TAPT1: variants seen among roughly 807,000 people sequenced by gnomAD.
TAPT1 encodes the protein transmembrane anterior posterior transformation 1.
A neutral mutation model predicts 65.6 loss-of-function variants in TAPT1; 28 were observed. The observed-to-expected ratio is 0.43, with a 90% confidence interval of 0.32 to 0.59. The LOEUF (loss-of-function observed/expected upper bound fraction) is 0.59, where lower values mean the gene tolerates loss of function less well. TAPT1 is among the 20% of genes least tolerant of loss of function. The pLI, the probability that TAPT1 is intolerant of heterozygous loss-of-function variation, is 0.09. For missense variants in TAPT1, 563 were observed against 679.9 expected, an observed-to-expected ratio of 0.83 and a Z score of 1.91; for synonymous variants, 278 against 245.2, an observed-to-expected ratio of 1.13 and a Z score of -1.25.
At chr4:16,167,119 A>G (rs1747693193) in intron 12 of TAPT1, among the ~76,000 whole-genome samples, 1 of 148,022 alleles carries the variant, frequency 6.8e-6, no homozygotes, top group Non-Finnish European at 1.5e-5. Flanking sequence ...TCAGCCTCCC[A>G]AGTAGCTGGG....
At chr4:16,182,056 T>C (rs1390735855) in intron 7 of TAPT1, among the ~76,000 whole-genome samples, 1 of 152,172 alleles carries the variant, frequency 6.6e-6, no homozygotes, top group Non-Finnish European at 1.5e-5. Context: ...CAAAACTATA[T>C]CTAACTATAA....
chr4:16,207,704 T>C (rs1490197914), intron 2 of TAPT1, among the ~76,000 whole-genome samples: 1 of 152,168 alleles, frequency 6.6e-6, no homozygotes, highest in African/African-American at 2.4e-5. Context: ...TTACAAATAA[T>C]TCCCCTGTAT....
In TAPT1 at chr4:16,195,911, T is replaced by C. The variant is rs191344379; in HGVS notation, c.450-4388A>G. 3.2e-3 allele frequency among the ~76,000 whole-genome samples: 492 copies of C among 152,366 alleles called. 3 individuals are homozygous for C. Among genetic ancestry groups the C allele is most frequent in the Non-Finnish European group, 3.5e-3 (238 of 68,022 alleles). On this transcript the variant is annotated intron_variant, in intron 3 of 13. Transcript: ENST00000405303. ...TGAGCGAGAAAAATGGGAGAATCCCTGCATAGTTATTTCAAATCAGTGTTG... is the reference window on the plus strand; with the variant it reads ...TGAGCGAGAAAAATGGGAGAATCCCCGCATAGTTATTTCAAATCAGTGTTG...
At chr4:16,198,485 G>A (rs1171821839) in intron 3 of TAPT1, among the ~76,000 whole-genome samples, 1 of 151,490 alleles carries the variant, frequency 6.6e-6, no homozygotes, top group African/African-American at 2.4e-5. Context: ...TCCCTTTTGT[G>A]AAAACAATTT....
In TAPT1 at chr4:16,163,442, C is replaced by A. The variant is rs1441215553; in HGVS notation, c.1570G>T (p.Asp524Tyr). 6.8e-6 allele frequency: 11 copies of A among 1,613,816 alleles called. No individual in the cohort carries two copies. The Admixed American group carries it at 1.8e-4, about 27-fold the overall frequency. ...CCATCTGGAGTTGTCAAAAACTGATCAGAATTGCTTGTCACAAGTAATGGT... is the reference window on the plus strand; with the variant it reads ...CCATCTGGAGTTGTCAAAAACTGATAAGAATTGCTTGTCACAAGTAATGGT... ...IIPLLVTSNS[D>Y]QFLTTPDGDE... The change falls in exon 14 of 14, where the codon GAT (aspartate) becomes TAT (tyrosine). Residue 524 changes from aspartate (D) to tyrosine (Y), a missense_variant. This residue lies in a region of TAPT1 where 136 missense variants were observed against 153.9 expected (regional missense o/e 0.88). Coordinates refer to ENST00000405303, the MANE Select transcript of TAPT1 (RefSeq NM_153365.3).
intron 3 of TAPT1, among the ~76,000 whole-genome samples, chr4:16,192,595 A>T (rs186554171): frequency 1.3e-5 from 2 of 152,306 alleles, no homozygotes; most frequent in Admixed American, 1.3e-4. Context: ...AGAGCAAAAA[A>T]TACATTAGAA....
At chr4:16,226,557 G>GCCAC (rs1444888565), upstream of TAPT1, 28 of 728,080 alleles carry the variant, frequency 3.8e-5, no homozygotes, top group Middle Eastern at 1.4e-3. Flanking sequence ...AGCCCGAGCC[G>GCCAC]CCGCCGCCGC....
At position 16,163,308 on chromosome 4, in the gene TAPT1, T is replaced by A; in HGVS notation, c.1704A>T (p.Ter568CysextTer7). The change falls in exon 14 of 14, where the codon TGA (stop) becomes TGT (cysteine). Residue 568 changes from the stop codon to cysteine (C), a stop_lost. Coordinates refer to ENST00000405303, the MANE Select transcript of TAPT1 (RefSeq NM_153365.3). Reference protein sequence around the residue: ...RFTICGNRID* With the variant: ...RFTICGNRIDC The stretch of plus-strand genomic sequence containing the variant: ...TTCTTCAGCGCATGAAGCCACAGAT[T>A]CAGTCAATTCGGTTTCCACAAATTG... The A allele has an allele frequency of 6.2e-7, 1 of 1,612,876 alleles. No individual in the cohort carries two copies. Among genetic ancestry groups the A allele is most frequent in the Non-Finnish European group, 8.5e-7 (1 of 1,178,856 alleles).
rs1280227926 is a variant in TAPT1 at position 16,197,447 on chromosome 4, CTT to C, written c.449+5013_449+5014del. Among the ~76,000 whole-genome samples the C allele has an allele frequency of 5.3e-5, 8 of 152,168 alleles. 1 individual carries two copies. Among genetic ancestry groups the C allele is most frequent in the Admixed American group, 2.0e-4 (3 of 15,272 alleles). On this transcript the variant is annotated intron_variant, in intron 3 of 13. Transcript: ENST00000405303. ...CATTTTTCTCTACAATCTTCTTTAA[CTT>C]TTAACTTACGTGACTGAGAATTCTA...
At chr4:16,227,270 G>C (rs1446797923), upstream of TAPT1, 1 of 455,486 alleles carries the variant, frequency 2.2e-6, no homozygotes, top group Non-Finnish European at 4.4e-6. Context: ...TTCGGGACTG[G>C]GGTTAGGAGA....
intron 3 of TAPT1, among the ~76,000 whole-genome samples, chr4:16,193,032 T>C (rs983980175): frequency 6.6e-6 from 1 of 152,254 alleles, no homozygotes; most frequent in East Asian, 1.9e-4. Flanking sequence ...AATGATGCTC[T>C]ACCAATTCTG....
intron 2 of TAPT1, among the ~76,000 whole-genome samples, chr4:16,212,579 G>A (rs1038160287): frequency 7.2e-5 from 11 of 152,122 alleles, no homozygotes; most frequent in African/African-American, 2.2e-4. Context: ...GTGCTGTGGA[G>A]AGCCCTGCCC....
At chr4:16,168,559 G>C (rs1279546045) in intron 12 of TAPT1, among the ~76,000 whole-genome samples, 1 of 152,196 alleles carries the variant, frequency 6.6e-6, no homozygotes, top group African/African-American at 2.4e-5. Context: ...CCAGGTGGCT[G>C]CACAGCTCCC....
At position 16,179,568 on chromosome 4, in the gene TAPT1, G is replaced by A; in HGVS notation, c.997+9C>T. 2.7e-6 allele frequency: 4 copies of A among 1,499,486 alleles called. No individual in the cohort carries two copies. Among genetic ancestry groups the A allele is most frequent in the Middle Eastern group, 1.7e-4 (1 of 5,790 alleles). 92.9% of individuals were successfully genotyped at this position (1,499,486 alleles called of 1,614,324 possible). A position where few individuals can be genotyped will look rare whatever the true frequency, so the allele number is the denominator to read the frequency against. ...ATTATAAGACACTGTTTTGTTAAGAGTGAGTTACCTGGATTCCAAGAAAAC... is the reference window on the plus strand; with the variant it reads ...ATTATAAGACACTGTTTTGTTAAGAATGAGTTACCTGGATTCCAAGAAAAC... On this transcript the variant is annotated intron_variant, in intron 8 of 13. Transcript: ENST00000405303.
chr4:16,163,508 A>G lies in TAPT1; in HGVS notation c.1504T>C (p.Ser502Pro), dbSNP rs767648516. The change falls in exon 14 of 14, where the codon TCC becomes CCC. Residue 502 changes from serine to proline, a missense_variant. Ser to Pro is a moderately conservative substitution (Grantham distance 74). Around this residue, in one of 5 missense-constraint regions of TAPT1, gnomAD observed 136 missense variants for 153.9 expected, o/e 0.88. Coordinates refer to ENST00000405303, the MANE Select transcript of TAPT1 (RefSeq NM_153365.3). ...TGATGAATAGGTTGTTTGGTGATGGAGGCAGACAGGTTTTCTTCTGTGGAA... is the reference window on the plus strand; with the variant it reads ...TGATGAATAGGTTGTTTGGTGATGGGGGCAGACAGGTTTTCTTCTGTGGAA... The part of the protein sequence containing the change: ...GLSTEENLSA[S>P]ITKQPIHQKE... 3 of 1,613,912 alleles carry G rather than the reference A, an allele frequency of 1.9e-6. No individual in the cohort carries two copies. Among genetic ancestry groups the G allele is most frequent in the Non-Finnish European group, 1.7e-6 (2 of 1,179,816 alleles).
chr4:16,195,231 A>G (rs1273623923), intron 3 of TAPT1, among the ~76,000 whole-genome samples: 1 of 152,246 alleles, frequency 6.6e-6, no homozygotes, highest in Non-Finnish European at 1.5e-5. Context: ...CTCTGCCAGG[A>G]TATTTTTAGA....
At chr4:16,223,711 A>G (rs893973966) in intron 1 of TAPT1, among the ~76,000 whole-genome samples, 5 of 152,270 alleles carry the variant, frequency 3.3e-5, no homozygotes, top group Admixed American at 6.5e-5. Flanking sequence ...GAGCATATAC[A>G]GCTATTCATA....
intron 11 of TAPT1, among the ~76,000 whole-genome samples, chr4:16,172,303 A>T (rs1748046544): frequency 6.6e-6 from 1 of 152,088 alleles, no homozygotes; most frequent in Non-Finnish European, 1.5e-5. Flanking sequence ...TAAGTCAATT[A>T]TTATTTGGCA....
intron 1 of TAPT1, among the ~76,000 whole-genome samples, chr4:16,225,299 A>C (rs1751483613): frequency 6.6e-6 from 1 of 152,248 alleles, no homozygotes; most frequent in Admixed American, 6.5e-5. Context: ...AAGTACAATC[A>C]ATGATGTAAT....
Sources: gnomAD v4.1 joint callset for allele counts (sites outside exome capture counted in the v4.1 genomes callset) on GRCh38, gnomAD v4.1.1 for gene constraint, gnomAD v4.1.1 regional missense constraint, MANE v1.5 for transcripts, NCBI Gene and HGNC (gene_info 2026-07-23, HGNC 2026-07-21) for gene names.